IL33: variants seen among roughly 807,000 people sequenced by gnomAD.
IL33 encodes the protein interleukin 33.
Under a neutral mutation model 27.3 loss-of-function variants are expected in IL33, and 37 were observed. The observed-to-expected ratio is 1.36, with a 90% confidence interval of 1.04 to 1.78. IL33 has a LOEUF of 1.78. Among genes scored for constraint, IL33 ranks in the 40% most tolerant of loss-of-function variants. IL33 has a pLI of 0.00. For synonymous variants in IL33, 132 were observed against 102.9 expected (o/e 1.28, Z -1.71); for missense variants, 406 against 311.4 (o/e 1.30, Z -2.29).
At chr9:6,226,746 C>T (rs1818652151) in intron 1 of IL33, among the ~76,000 whole-genome samples, 1 of 152,150 alleles carries the variant, frequency 6.6e-6, no homozygotes, top group African/African-American at 2.4e-5. Context: ...ATATTAAAAT[C>T]AGTTATTTCT....
chr9:6,245,452 T>TTACATTGAAATC (rs1484053574), intron 2 of IL33, among the ~76,000 whole-genome samples: 5 of 152,124 alleles, frequency 3.3e-5, no homozygotes, highest in African/African-American at 9.7e-5. Context: ...CTGTAGACAG[T>TTACATTGAAATC]AGGGAATCAT....
intron 1 of IL33, among the ~76,000 whole-genome samples, chr9:6,229,924 A>G (rs558822389): frequency 2.3e-4 from 35 of 152,320 alleles, no homozygotes; most frequent in Admixed American, 2.6e-4. Flanking sequence ...TTGGCCTCCA[A>G]TGGTTAAACA....
chr9:6,248,850 A>G (rs1180687675), intron 2 of IL33, among the ~76,000 whole-genome samples: 2 of 152,130 alleles, frequency 1.3e-5, no homozygotes, highest in East Asian at 1.9e-4. Flanking sequence ...AAGTGCTGGG[A>G]TTACAGGTGT....
intron 2 of IL33, among the ~76,000 whole-genome samples, chr9:6,245,335 C>T (rs1390064784): frequency 6.6e-6 from 1 of 152,156 alleles, no homozygotes; most frequent in Non-Finnish European, 1.5e-5. Flanking sequence ...AACACTGGGT[C>T]CATATCTTGC....
chr9:6,228,846 CAAA>C (rs386414378), intron 1 of IL33, among the ~76,000 whole-genome samples: 1 of 135,786 alleles, frequency 7.4e-6, no homozygotes, highest in Non-Finnish European at 1.6e-5. Context: ...AACACTGACT[CAAA>C]AAAAAAAAAA....
chr9:6,242,296 A>G (rs1819574722), intron 2 of IL33: 1 of 152,222 alleles, frequency 6.6e-6, no homozygotes, highest in African/African-American at 2.4e-5. Context: ...ATATACCTGA[A>G]GCTGGGTAAT....
chr9:6,240,368 A>T (rs151191386), intron 1 of IL33, among the ~76,000 whole-genome samples: 16 of 152,328 alleles, frequency 1.1e-4, no homozygotes, highest in Middle Eastern at 3.4e-3. Context: ...TGGGTAAGGG[A>T]TAAAAGACTA....
chr9:6,221,572 T>A (rs751653983), intron 1 of IL33, among the ~76,000 whole-genome samples: 10 of 152,210 alleles, frequency 6.6e-5, no homozygotes, highest in South Asian at 2.1e-4. Flanking sequence ...TCTTAATTCA[T>A]AAAAGTATAA....
chr9:6,250,503 C>T lies in IL33; in HGVS notation c.121C>T (p.Pro41Ser), dbSNP rs1399814792. ...CCAACAGAAGGCCAAAGAAGTTTGC[C>T]CCATGTACTTTATGAAGCTCCGCTC... The part of the protein sequence containing the change: ...KSQQKAKEVC[P>S]MYFMKLRSGL... The change falls in exon 3 of 8, where the codon CCC becomes TCC. Residue 41 changes from proline (P) to serine (S), a missense_variant. Coordinates refer to ENST00000682010, the MANE Select transcript of IL33 (RefSeq NM_033439.4). 1.9e-6 allele frequency: 3 copies of T among 1,613,642 alleles called. No homozygotes were observed. Among genetic ancestry groups the T allele is most frequent in the African/African-American group, 2.7e-5 (2 of 74,888 alleles).
chr9:6,232,931 ACT>A (rs1482007636), intron 1 of IL33, among the ~76,000 whole-genome samples: 1 of 151,840 alleles, frequency 6.6e-6, no homozygotes, highest in Non-Finnish European at 1.5e-5. Context: ...TTATGAACAA[ACT>A]CCCATCTTTC....
At chr9:6,247,857 T>C (rs1041836921) in intron 2 of IL33, among the ~76,000 whole-genome samples, 9 of 151,944 alleles carry the variant, frequency 5.9e-5, no homozygotes, top group African/African-American at 2.2e-4. Context: ...CCCCCATCCT[T>C]GAACTATAAC....
chr9:6,215,884 C>T (rs899285552), intron 1 of IL33, 32 bp downstream of exon 1: 17 of 150,352 alleles, frequency 1.1e-4, no homozygotes, highest in African/African-American at 3.9e-4. Context: ...GATTTTTAGT[C>T]AGATTTTGCA....
At chr9:6,217,282 T>C (rs1252209658) in intron 1 of IL33, among the ~76,000 whole-genome samples, 1 of 152,160 alleles carries the variant, frequency 6.6e-6, no homozygotes, top group African/African-American at 2.4e-5. Flanking sequence ...TCCAGAATCA[T>C]GGCTAGTAAT....
At position 6,221,496 on chromosome 9, in the gene IL33, T is replaced by A. The variant is rs559207236; in HGVS notation, c.-12+5644T>A. On this transcript the variant is annotated intron_variant, in intron 1 of 7. Transcript: ENST00000682010. ...AAGGCCCATGAAAGCAGATTCAACA[T>A]TTAGAAGCATTAAGGTCATTTGCAC... 6.6e-5 allele frequency among the ~76,000 whole-genome samples: 10 copies of A among 152,316 alleles called. No homozygotes were observed. In the South Asian group the frequency reaches 2.1e-3, roughly 32 times the overall value.
chr9:6,217,008 G>T (rs1388989728), intron 1 of IL33, among the ~76,000 whole-genome samples: 1 of 152,156 alleles, frequency 6.6e-6, no homozygotes, highest in Admixed American at 6.5e-5. Context: ...CAAAAATTTG[G>T]AGGCTAGGGT....
chr9:6,256,575 T>G lies in IL33; in HGVS notation c.*407T>G. 3.0e-6 allele frequency: 1 copy of G among 334,670 alleles called. No individual in the cohort carries two copies. The highest frequency in any genetic ancestry group is 5.4e-6 in the Non-Finnish European group (1 of 184,752). 20.7% of individuals were successfully genotyped at this position (334,670 alleles called of 1,614,324 possible). A position where few individuals can be genotyped will look rare whatever the true frequency, so the allele number is the denominator to read the frequency against. ...AAAGAGCTACTTAGAGAAATAATTT[T>G]CCACAGTTCCAAACGATAGGCTCAA... is the stretch of plus-strand genomic sequence containing the variant. On this transcript the variant is annotated 3_prime_UTR_variant, in exon 8 of 8. Coordinates refer to ENST00000682010, the MANE Select transcript of IL33 (RefSeq NM_033439.4).
intron 1 of IL33, among the ~76,000 whole-genome samples, chr9:6,225,854 C>G (rs1369796945): frequency 6.6e-6 from 1 of 152,160 alleles, no homozygotes; most frequent in African/African-American, 2.4e-5. Flanking sequence ...ACCTGAGTAA[C>G]TGGGACCATA....
At chr9:6,243,997 G>C (rs1455449422) in intron 2 of IL33, among the ~76,000 whole-genome samples, 2 of 152,154 alleles carry the variant, frequency 1.3e-5, no homozygotes, top group Non-Finnish European at 2.9e-5. Context: ...GAGTCAAAAT[G>C]CTCTCTGTAG....
At chr9:6,228,921 T>C (rs1818787524) in intron 1 of IL33, among the ~76,000 whole-genome samples, 1 of 151,028 alleles carries the variant, frequency 6.6e-6, no homozygotes, top group South Asian at 2.1e-4. Flanking sequence ...AACCAAAAAA[T>C]GCTGCAGACT....
Sources: gnomAD v4.1 joint callset for allele counts (sites outside exome capture counted in the v4.1 genomes callset) on GRCh38, gnomAD v4.1.1 for gene constraint, MANE v1.5 for transcripts, NCBI Gene and HGNC (gene_info 2026-07-23, HGNC 2026-07-21) for gene names.